CADPS2: variants seen among roughly 807,000 people sequenced by gnomAD.
CADPS2 encodes the protein calcium-dependent secretion activator 2.
In CADPS2, 93 loss-of-function variants were observed where a neutral mutation model predicts 172.5. The observed-to-expected ratio is 0.54, with a 90% CI of 0.46 to 0.64. The LOEUF (loss-of-function observed/expected upper bound fraction) is 0.64. Ranked by LOEUF, CADPS2 falls within the 30% of genes least tolerant of loss-of-function variation. The probability of loss-of-function intolerance (pLI) is 0.00; values close to 1 mark genes in which losing one functional copy is unlikely to be tolerated. For synonymous variants in CADPS2, 546 were observed against 555.2 expected, an observed-to-expected ratio of 0.98 and a Z score of 0.23; for missense variants, 1,420 against 1,565.9, an observed-to-expected ratio of 0.91 and a Z score of 1.57.
At chr7:122,809,872 G>A (rs73718017) in intron 1 of CADPS2, among the ~76,000 whole-genome samples, 2,471 of 152,176 alleles carry the variant, frequency 0.016, 63 homozygotes, top group African/African-American at 0.056. Flanking sequence ...GTCTTTCCAC[G>A]TGTCAACCTC....
chr7:122,393,410 G>T (rs540007137), intron 21 of CADPS2, 31 bp downstream of exon 21: 1 of 1,613,262 alleles, frequency 6.2e-7, no homozygotes, highest in East Asian at 2.2e-5. Context: ...GAAGAGGCAG[G>T]TGCTCTACGG....
intron 18 of CADPS2, 128 bp downstream of exon 18, chr7:122,415,933 C>T (rs541819699): frequency 3.3e-4 from 159 of 488,712 alleles, no homozygotes; most frequent in African/African-American, 2.1e-3. Context: ...CACTGCTTAT[C>T]GTTGGTGCTT....
chr7:122,676,648 G>A (rs1424710245), intron 2 of CADPS2: 3 of 1,543,808 alleles, frequency 1.9e-6, no homozygotes, highest in Non-Finnish European at 2.7e-6. Context: ...GTACCATCTG[G>A]AGAGACAGGA....
intron 2 of CADPS2, among the ~76,000 whole-genome samples, chr7:122,716,831 G>A (rs2089680817): frequency 6.6e-6 from 1 of 152,012 alleles, no homozygotes. Flanking sequence ...GGAGGGGTGG[G>A]GAATGGAGGG....
At chr7:122,620,132 C>T (rs2075416428) in intron 5 of CADPS2, among the ~76,000 whole-genome samples, 1 of 152,130 alleles carries the variant, frequency 6.6e-6, no homozygotes, top group African/African-American at 2.4e-5. Context: ...GAAAACTGTT[C>T]TTCGTAAGAC....
At chr7:122,637,892 T>C (rs1213772878) in intron 3 of CADPS2, among the ~76,000 whole-genome samples, 2 of 152,222 alleles carry the variant, frequency 1.3e-5, no homozygotes, top group Non-Finnish European at 2.9e-5. Flanking sequence ...TATTTATGTC[T>C]GGATTTTTGC....
intron 14 of CADPS2, among the ~76,000 whole-genome samples, chr7:122,458,581 C>A (rs528099290): frequency 1.3e-5 from 2 of 152,138 alleles, no homozygotes; most frequent in Non-Finnish European, 2.9e-5. Context: ...AACACTCCCC[C>A]CTTCCTTGTC....
At chr7:122,446,916 T>C (rs1420952807) in intron 15 of CADPS2, among the ~76,000 whole-genome samples, 1 of 152,188 alleles carries the variant, frequency 6.6e-6, no homozygotes, top group Non-Finnish European at 1.5e-5. Flanking sequence ...TTCATTGCTT[T>C]ATGTTTAATG....
intron 1 of CADPS2, among the ~76,000 whole-genome samples, chr7:122,834,231 C>T (rs1405926204): frequency 6.6e-6 from 1 of 152,158 alleles, no homozygotes; most frequent in African/African-American, 2.4e-5. Flanking sequence ...AACTAAAATT[C>T]AAAGCCTAAC....
intron 7 of CADPS2, among the ~76,000 whole-genome samples, chr7:122,578,097 T>C (rs976758504): frequency 2.6e-5 from 4 of 151,056 alleles, no homozygotes; most frequent in African/African-American, 9.7e-5. Context: ...TATACACATA[T>C]ATATACACAA....
intron 2 of CADPS2, among the ~76,000 whole-genome samples, chr7:122,721,139 C>A (rs950612211): frequency 2.0e-5 from 3 of 151,930 alleles, no homozygotes; most frequent in African/African-American, 7.3e-5. Context: ...TTCAGTACCC[C>A]ACTCCAAGCT....
intron 18 of CADPS2, among the ~76,000 whole-genome samples, chr7:122,415,291 T>TTAACTTACATTTC (rs2047750154): frequency 6.6e-6 from 1 of 152,150 alleles, no homozygotes; most frequent in African/African-American, 2.4e-5. Flanking sequence ...CCCTTCCACG[T>TTAACTTACATTTC]TAACTTACAT....
At chr7:122,585,063 T>C (rs1260791796) in intron 6 of CADPS2, among the ~76,000 whole-genome samples, 1 of 151,860 alleles carries the variant, frequency 6.6e-6, no homozygotes, top group African/African-American at 2.4e-5. Flanking sequence ...TCCTGTGAAA[T>C]GAAGAAGGCT....
intron 14 of CADPS2, among the ~76,000 whole-genome samples, chr7:122,461,892 C>G (rs2054493938): frequency 6.6e-6 from 1 of 150,634 alleles, no homozygotes; most frequent in African/African-American, 2.4e-5. Context: ...CCTCGCCTGG[C>G]CTGCCAAGAG....
chr7:122,539,976 G>A (rs1563640844), intron 8 of CADPS2, among the ~76,000 whole-genome samples: 3 of 151,880 alleles, frequency 2.0e-5, no homozygotes, highest in Admixed American at 6.6e-5. Context: ...TGTTCAAAAT[G>A]TTTCAAGTCA....
chr7:122,605,891 A>AT (rs1394085382), intron 6 of CADPS2, among the ~76,000 whole-genome samples: 8 of 151,478 alleles, frequency 5.3e-5, no homozygotes, highest in Admixed American at 1.3e-4. Flanking sequence ...TTAATCCAGG[A>AT]TTTTTTTTTC....
At chr7:122,734,374 A>G (rs867443930) in intron 2 of CADPS2, among the ~76,000 whole-genome samples, 51 of 94,496 alleles carry the variant, frequency 5.4e-4, no homozygotes, top group East Asian at 1.1e-3. Context: ...AAAAAAAAAA[A>G]AAAAAAAAAA....
intron 11 of CADPS2, among the ~76,000 whole-genome samples, chr7:122,488,444 A>C (rs2058031370): frequency 6.6e-6 from 1 of 152,348 alleles, no homozygotes; most frequent in Admixed American, 6.5e-5. Context: ...GTTACTATGT[A>C]CCACTGTGGC....
intron 20 of CADPS2, 122 bp from the exon 21 acceptor site, chr7:122,393,704 TGA>T: frequency 1.0e-6 from 1 of 959,174 alleles, no homozygotes. Context: ...AAAATGCAGA[TGA>T]GAGTAGATCA....
Sources: allele counts gnomAD v4.1 joint callset (sites outside exome capture counted in the v4.1 genomes callset), GRCh38; gene constraint gnomAD v4.1.1; transcripts MANE v1.5; gene names NCBI Gene and HGNC (gene_info 2026-07-23, HGNC 2026-07-21).